Variants in PAK2 observed in about 807,000 individuals in gnomAD.
The protein encoded by PAK2 is serine/threonine-protein kinase PAK 2.
In PAK2, 21 loss-of-function variants were observed where a neutral mutation model predicts 65.9. The ratio of observed to expected loss-of-function variants is 0.32; its 90% CI spans 0.23 to 0.46. The LOEUF is 0.46. Ranked by LOEUF, PAK2 falls within the 20% of genes least tolerant of loss-of-function variation. The pLI is 1.00. For missense variants in PAK2, 324 were observed against 642.6 expected, an observed-to-expected ratio of 0.50 and a Z score of 5.36; for synonymous variants, 204 against 219.7, an observed-to-expected ratio of 0.93 and a Z score of 0.63.
chr3:196,785,308 G>A (rs1240040785), intron 2 of PAK2, among the ~76,000 whole-genome samples: 1 of 152,126 alleles, frequency 6.6e-6, no homozygotes, highest in Non-Finnish European at 1.5e-5. Context: ...CTTGGTGTGG[G>A]TCCTGACCAA....
At chr3:196,795,671 A>G (rs890692952) in intron 2 of PAK2, among the ~76,000 whole-genome samples, 3 of 152,218 alleles carry the variant, frequency 2.0e-5, no homozygotes, top group African/African-American at 7.2e-5. Context: ...CTAGAATTCT[A>G]TACTATTGAA....
chr3:196,758,883 C>G (rs1011318295), intron 1 of PAK2, among the ~76,000 whole-genome samples: 26 of 152,124 alleles, frequency 1.7e-4, no homozygotes, highest in African/African-American at 5.3e-4. Flanking sequence ...GTCTTGAACT[C>G]CTGACCTCAA....
chr3:196,780,675 A>G (rs1387769324), intron 1 of PAK2, among the ~76,000 whole-genome samples: 1 of 152,224 alleles, frequency 6.6e-6, no homozygotes, highest in African/African-American at 2.4e-5. Flanking sequence ...CTTTTGTAGA[A>G]TGAAAAAATA....
intron 3 of PAK2, 45 bp downstream of exon 3, chr3:196,802,072 A>T (rs780431943): frequency 2.1e-6 from 2 of 952,680 alleles, no homozygotes; most frequent in South Asian, 1.4e-5. Context: ...TTAAAATAGC[A>T]CTCAAACATT....
At chr3:196,751,646 C>T (rs1359654051) in intron 1 of PAK2, among the ~76,000 whole-genome samples, 1 of 101,148 alleles carries the variant, frequency 9.9e-6, no homozygotes, top group Non-Finnish European at 1.9e-5. Context: ...GACTGTCCCC[C>T]CAAAAAACAC....
chr3:196,787,029 G>A (rs184474296), intron 2 of PAK2, among the ~76,000 whole-genome samples: 233 of 151,694 alleles, frequency 1.5e-3, no homozygotes, highest in Non-Finnish European at 2.7e-3. Flanking sequence ...CTCATATGTT[G>A]CCCAGGCTGG....
intron 1 of PAK2, among the ~76,000 whole-genome samples, chr3:196,755,576 A>G (rs1055401178): frequency 2.7e-5 from 4 of 149,728 alleles, no homozygotes; most frequent in African/African-American, 9.9e-5. Flanking sequence ...CTCCTGCCTT[A>G]GCCTCCTGAG....
rs892604760 is a variant in PAK2, at chr3:196,769,356, C to T, written c.-21-13270C>T. Among the ~76,000 whole-genome samples, 15 of 151,862 alleles carry T rather than the reference C, an allele frequency of 9.9e-5. 1 individual carries two copies. The highest frequency in any genetic ancestry group is 3.8e-4 in the East Asian group (2 of 5,196). ...TAAAAATTCAGAGCTGTAAGGGCTT[C>T]GTATCCTAGTTTTTTGTTGTGCTGC... On this transcript the variant is annotated intron_variant, in intron 1 of 14. Transcript: ENST00000327134.
At chr3:196,764,935 C>T (rs1391900331) in intron 1 of PAK2, among the ~76,000 whole-genome samples, 16 of 150,338 alleles carry the variant, frequency 1.1e-4, no homozygotes, top group African/African-American at 2.9e-4. Context: ...TTCCGCCTCC[C>T]GGGTTCACGC....
At chr3:196,807,345 G>C (rs1040322055) in intron 6 of PAK2, among the ~76,000 whole-genome samples, 2 of 152,046 alleles carry the variant, frequency 1.3e-5, no homozygotes, top group Admixed American at 1.3e-4. Context: ...CTTTCAATCT[G>C]GCTGTTTGAA....
chr3:196,831,015 T>C lies in PAK2; in HGVS notation c.*2610T>C, dbSNP rs960406816. On this transcript the variant is annotated 3_prime_UTR_variant, in exon 15 of 15. Transcript: ENST00000327134. ...AATTCTCATGCCTCAGCCTCCTGAG[T>C]AGCTGAGACCACAGGCACCCGCCAC... The C allele has an allele frequency of 6.6e-6, 1 of 152,164 alleles. No individual in the cohort carries two copies. Among genetic ancestry groups the C allele is most frequent in the African/African-American group, 2.4e-5 (1 of 41,418 alleles). The allele number at this position is 152,164 out of a possible 1,614,324, so 9.4% of individuals were successfully genotyped here.
In PAK2 at chr3:196,829,031, T is replaced by C. The variant is rs1177518825; in HGVS notation, c.*626T>C. The C allele has an allele frequency of 6.5e-6, 1 of 152,720 alleles. No homozygotes were observed. The highest frequency in any genetic ancestry group is 1.5e-5 in the Non-Finnish European group (1 of 68,076). 9.5% of individuals were successfully genotyped at this position (152,720 alleles called of 1,614,324 possible). A position where few individuals can be genotyped will look rare whatever the true frequency, so the allele number is the denominator to read the frequency against. ...GAAGGGAAGAAAAGTATGTGATTTT[T>C]ACCTTTTTTAACAAATGTGAAAAAG... On this transcript the variant is annotated 3_prime_UTR_variant, in exon 15 of 15. Transcript: ENST00000327134.
intron 12 of PAK2, among the ~76,000 whole-genome samples, chr3:196,819,557 C>G (rs1485675156): frequency 6.6e-6 from 1 of 152,064 alleles, no homozygotes; most frequent in East Asian, 1.9e-4. Flanking sequence ...CAAACCAAAC[C>G]GTTCATAGAT....
At chr3:196,757,166 A>T (rs1379692094) in intron 1 of PAK2, among the ~76,000 whole-genome samples, 1 of 152,218 alleles carries the variant, frequency 6.6e-6, no homozygotes, top group Non-Finnish European at 1.5e-5. Flanking sequence ...GGTTAGGAAC[A>T]GGTAACTCAA....
intron 1 of PAK2, among the ~76,000 whole-genome samples, chr3:196,740,389 G>A (rs912611233): frequency 1.2e-4 from 18 of 152,136 alleles, no homozygotes; most frequent in African/African-American, 4.1e-4. Context: ...AAGCTCGCTG[G>A]GCTGCGGAGG....
chr3:196,757,010 C>T (rs549536973), intron 1 of PAK2, among the ~76,000 whole-genome samples: 166 of 152,286 alleles, frequency 1.1e-3, no homozygotes, highest in African/African-American at 3.5e-3. Context: ...GGTTCTTATT[C>T]CTGACACAGG....
At chr3:196,747,942 G>A (rs1713445344) in intron 1 of PAK2, among the ~76,000 whole-genome samples, 1 of 152,078 alleles carries the variant, frequency 6.6e-6, no homozygotes, top group African/African-American at 2.4e-5. Context: ...GATCTTTCAT[G>A]ATCACCTCTG....
chr3:196,825,226 C>A (rs74878481), intron 13 of PAK2, among the ~76,000 whole-genome samples: 4 of 126,602 alleles, frequency 3.2e-5, no homozygotes, highest in Admixed American at 7.3e-5. Context: ...CATGCCTGTA[C>A]TCCCAGCTAC....
intron 1 of PAK2, among the ~76,000 whole-genome samples, chr3:196,754,747 G>A (rs1221329234): frequency 6.6e-6 from 1 of 152,186 alleles, no homozygotes; most frequent in Non-Finnish European, 1.5e-5. Flanking sequence ...CTGCACACGG[G>A]CGCAGACACA....
Sources: gnomAD v4.1 joint callset for allele counts (sites outside exome capture counted in the v4.1 genomes callset) on GRCh38, gnomAD v4.1.1 for gene constraint, MANE v1.5 for transcripts, NCBI Gene and HGNC (gene_info 2026-07-23, HGNC 2026-07-21) for gene names.